Variants in PDE11A observed in about 807,000 individuals in gnomAD.
PDE11A encodes the protein dual 3',5'-cyclic-AMP and -GMP phosphodiesterase 11A.
In PDE11A, 100 loss-of-function variants were observed where a neutral mutation model predicts 100.5. The ratio of observed to expected loss-of-function variants is 1.00; its 90% CI spans 0.85 to 1.18. The LOEUF (loss-of-function observed/expected upper bound fraction) is 1.18. PDE11A is among the 50% of genes most tolerant of loss of function. PDE11A has a pLI of 0.00. For missense variants in PDE11A, 1,141 were observed against 1,152.6 expected, an observed-to-expected ratio of 0.99 and a Z score of 0.15; for synonymous variants, 381 against 420.8, an observed-to-expected ratio of 0.91 and a Z score of 1.16.
At chr2:177,963,009 C>G (rs1422035704) in intron 2 of PDE11A, among the ~76,000 whole-genome samples, 3 of 152,060 alleles carry the variant, frequency 2.0e-5, no homozygotes, top group African/African-American at 7.2e-5. Flanking sequence ...ATTTTTAAGA[C>G]AAAGTAAATA....
chr2:177,872,079 C>T (rs1276955237), intron 5 of PDE11A, among the ~76,000 whole-genome samples: 1 of 152,140 alleles, frequency 6.6e-6, no homozygotes, highest in African/African-American at 2.4e-5. Flanking sequence ...CACCACTGTT[C>T]ATTGCCCTTG....
chr2:178,029,187 T>G (rs1003118176), intron 1 of PDE11A, among the ~76,000 whole-genome samples: 1 of 152,194 alleles, frequency 6.6e-6, no homozygotes, highest in Non-Finnish European at 1.5e-5. Context: ...ATATAATTAG[T>G]TCCATGATTG....
rs57168619 is a variant in PDE11A at position 177,979,611 on chromosome 2, CTTT to C, written c.1071+34688_1071+34690del. ...GTGTGAATGGATATCCTCAGATGAT[CTTT>C]TTTTTTTTTTTTTTGAGACAGAGTC... On this transcript the variant is annotated intron_variant, in intron 2 of 19. Transcript: ENST00000286063. 1.3e-4 allele frequency among the ~76,000 whole-genome samples: 14 copies of C among 106,854 alleles called. 1 individual carries two copies. Among genetic ancestry groups the C allele is most frequent in the Middle Eastern group, 6.4e-3 (1 of 156 alleles). 70.1% of individuals were successfully genotyped at this position (106,854 alleles called of 152,430 possible).
At chr2:177,862,764 G>A (rs1475041653) in intron 5 of PDE11A, among the ~76,000 whole-genome samples, 1 of 151,700 alleles carries the variant, frequency 6.6e-6, no homozygotes, top group Non-Finnish European at 1.5e-5. Context: ...ACTACCTAAA[G>A]CATATCCAGA....
intron 19 of PDE11A, among the ~76,000 whole-genome samples, chr2:177,638,569 T>C (rs2080088950): frequency 1.3e-5 from 2 of 152,218 alleles, no homozygotes; most frequent in South Asian, 4.1e-4. Flanking sequence ...ATATCAGACA[T>C]TGTAAAGTTT....
Position 177,728,118 on chromosome 2 carries a change from C to A in PDE11A, c.1843G>T (p.Asp615Tyr), listed in dbSNP as rs1444087522. ...ELAIDDIHFD[D>Y]FSLDVDAMIT... The stretch of plus-strand genomic sequence containing the variant: ...ATGGCATCAACGTCGAGAGAAAAGT[C>A]ATCAAAATGAATGTCATCGATGGCA... Residue 615 changes from aspartate to tyrosine, a missense_variant, in exon 11 of 20, where the codon GAC becomes TAC. Coordinates refer to ENST00000286063, the MANE Select transcript of PDE11A (RefSeq NM_016953.4). 6.2e-7 allele frequency: 1 copy of A among 1,612,758 alleles called. No individual in the cohort carries two copies. The highest frequency in any genetic ancestry group is 1.7e-5 in the Admixed American group (1 of 59,952).
chr2:177,786,417 A>G (rs1455729485), intron 9 of PDE11A, among the ~76,000 whole-genome samples: 2 of 152,040 alleles, frequency 1.3e-5, no homozygotes, highest in Admixed American at 6.6e-5. Flanking sequence ...CCAAAAGTAG[A>G]TAAAACCACA....
At chr2:177,932,893 T>C (rs1171668706) in intron 2 of PDE11A, among the ~76,000 whole-genome samples, 1 of 151,574 alleles carries the variant, frequency 6.6e-6, no homozygotes, top group Non-Finnish European at 1.5e-5. Context: ...TTTTCGCTAA[T>C]GATATGATTC....
chr2:177,883,970 T>C (rs1343012826), intron 4 of PDE11A, among the ~76,000 whole-genome samples: 1 of 152,226 alleles, frequency 6.6e-6, no homozygotes, highest in Non-Finnish European at 1.5e-5. Flanking sequence ...TTCACTCCTC[T>C]GGCCCTTAAA....
Position 177,629,222 on chromosome 2 carries a change from C to A in PDE11A, c.*185G>T. On this transcript the variant is annotated 3_prime_UTR_variant, in exon 20 of 20. Transcript: ENST00000286063. Reference sequence around the variant, plus strand: ...GGTGTGCTCCCTGCCCCACCTCTTTCTTTGTCCTTCCCGTTGCTCTCTCTG... The same window carrying A: ...GGTGTGCTCCCTGCCCCACCTCTTTATTTGTCCTTCCCGTTGCTCTCTCTG... 1 of 654,754 alleles carries A rather than the reference C, an allele frequency of 1.5e-6. No homozygotes were observed. Among genetic ancestry groups the A allele is most frequent in the Non-Finnish European group, 2.8e-6 (1 of 363,204 alleles). 40.6% of individuals were successfully genotyped at this position (654,754 alleles called of 1,614,324 possible). A position where few individuals can be genotyped will look rare whatever the true frequency, so the allele number is the denominator to read the frequency against.
At chr2:177,640,832 G>A (rs1425531654) in intron 19 of PDE11A, among the ~76,000 whole-genome samples, 1 of 152,114 alleles carries the variant, frequency 6.6e-6, no homozygotes. Flanking sequence ...TCAGGGAACT[G>A]GGCATTATCA....
chr2:177,834,512 G>C (rs961282635), intron 6 of PDE11A, among the ~76,000 whole-genome samples: 1 of 152,308 alleles, frequency 6.6e-6, no homozygotes, highest in Non-Finnish European at 1.5e-5. Context: ...CATGTGCACA[G>C]GACAGACAGG....
intron 2 of PDE11A, among the ~76,000 whole-genome samples, chr2:177,946,830 A>T (rs1364034051): frequency 7.8e-5 from 5 of 64,244 alleles, no homozygotes; most frequent in African/African-American, 2.8e-4. Context: ...TCCGGGAGGG[A>T]GGTGGGGGGG....
chr2:178,018,530 T>A (rs1255782415), intron 1 of PDE11A: 3 of 415,276 alleles, frequency 7.2e-6, no homozygotes, highest in Middle Eastern at 8.8e-4. Flanking sequence ...TCTTTGCCTC[T>A]GCTCTGCCAT....
chr2:177,699,092 G>T (rs114325391), intron 14 of PDE11A, among the ~76,000 whole-genome samples: 1,986 of 152,256 alleles, frequency 0.013, 35 homozygotes, highest in Middle Eastern at 0.034. Flanking sequence ...TAACAGGAGG[G>T]TACATTCCAA....
At chr2:177,900,763 AAAAG>A (rs1282393027) in intron 3 of PDE11A, among the ~76,000 whole-genome samples, 4 of 130,308 alleles carry the variant, frequency 3.1e-5, no homozygotes, top group South Asian at 4.9e-4. Flanking sequence ...ATCTCAAAAA[AAAAG>A]AAAGAAAAGA....
chr2:178,079,254 C>T (rs2087253350), intron 2 of PDE11A, among the ~76,000 whole-genome samples: 2 of 152,142 alleles, frequency 1.3e-5, no homozygotes, highest in Admixed American at 6.5e-5. Context: ...GTATTAAGCC[C>T]AGCATGCATT....
chr2:178,089,056 G>A (rs140174009), intron 2 of PDE11A, among the ~76,000 whole-genome samples: 2 of 152,154 alleles, frequency 1.3e-5, no homozygotes, highest in Admixed American at 6.5e-5. Flanking sequence ...TATGGTGCCC[G>A]TATCAGTTAG....
intron 19 of PDE11A, among the ~76,000 whole-genome samples, chr2:177,659,905 C>G (rs953240643): frequency 3.3e-5 from 5 of 152,114 alleles, no homozygotes; most frequent in African/African-American, 1.2e-4. Flanking sequence ...CCTGCTAGGA[C>G]ACAGCTAACT....
Sources: gnomAD v4.1 joint callset for allele counts (sites outside exome capture counted in the v4.1 genomes callset) on GRCh38, gnomAD v4.1.1 for gene constraint, MANE v1.5 for transcripts, NCBI Gene and HGNC (gene_info 2026-07-23, HGNC 2026-07-21) for gene names.